The following NRXN3 variants were observed in gnomAD, a reference collection of about 807,000 sequenced individuals.
NRXN3 encodes the protein neurexin 3.
A neutral mutation model predicts 137.6 loss-of-function variants in NRXN3; 32 were observed. The observed-to-expected ratio is 0.23, with a 90% CI of 0.18 to 0.31. NRXN3 has a LOEUF of 0.31. Ranked by LOEUF, NRXN3 falls within the 10% of genes least tolerant of loss-of-function variation. The pLI is 1.00. For missense variants in NRXN3, 1,574 were observed against 2,062.5 expected (o/e 0.76, Z 4.59); for synonymous variants, 798 against 784.5 (o/e 1.02, Z -0.29).
At chr14:78,538,438 G>GC (rs1189864206) in intron 4 of NRXN3, among the ~76,000 whole-genome samples, 3 of 152,188 alleles carry the variant, frequency 2.0e-5, no homozygotes, top group South Asian at 2.1e-4. Flanking sequence ...GTATAGGAAT[G>GC]CTTGTGATTT....
intron 19 of NRXN3, among the ~76,000 whole-genome samples, chr14:79,778,349 G>GA (rs1226160447): frequency 1.3e-5 from 2 of 152,168 alleles, no homozygotes; most frequent in African/African-American, 4.8e-5. Context: ...CCAGGAGGCG[G>GA]AGGTTGCAGT....
intron 20 of NRXN3, among the ~76,000 whole-genome samples, chr14:79,810,456 G>A (rs760599032): frequency 1.8e-4 from 27 of 152,162 alleles, no homozygotes; most frequent in Non-Finnish European, 3.4e-4. Context: ...CATAATGGTT[G>A]GGAAGGAGAT....
rs536183466 is a variant in NRXN3, at chr14:78,569,469, G to C, written c.758-75651G>C. Reference sequence around the variant, plus strand: ...TTTAGTAGAGACGGGGTTTCACCATGTTAGCAAGGGTGGTCTCAATCTCCT... The same window carrying C: ...TTTAGTAGAGACGGGGTTTCACCATCTTAGCAAGGGTGGTCTCAATCTCCT... On this transcript the variant is annotated intron_variant, in intron 4 of 20. Transcript: ENST00000335750. Among the ~76,000 whole-genome samples the C allele has an allele frequency of 2.0e-4, 31 of 151,820 alleles. 1 individual carries two copies. In the South Asian group the frequency reaches 6.5e-3, roughly 32 times the overall value.
At chr14:78,424,949 C>T (rs2093603604) in intron 4 of NRXN3, among the ~76,000 whole-genome samples, 1 of 152,196 alleles carries the variant, frequency 6.6e-6, no homozygotes, top group Non-Finnish European at 1.5e-5. Context: ...CTCTGGACTC[C>T]TGTTGTGGAC....
intron 15 of NRXN3, among the ~76,000 whole-genome samples, chr14:79,194,571 G>C (rs2064881701): frequency 6.6e-6 from 1 of 152,234 alleles, no homozygotes; most frequent in African/African-American, 2.4e-5. Context: ...ATATCCTTCA[G>C]AGGATTCCCC....
chr14:78,525,166 T>C (rs2096358798), intron 4 of NRXN3, among the ~76,000 whole-genome samples: 1 of 152,234 alleles, frequency 6.6e-6, no homozygotes, highest in Non-Finnish European at 1.5e-5. Context: ...GGGAGGACCC[T>C]TTGCACAGGC....
intron 17 of NRXN3, among the ~76,000 whole-genome samples, chr14:79,680,988 C>T (rs1416691784): frequency 6.6e-6 from 1 of 152,166 alleles, no homozygotes; most frequent in Non-Finnish European, 1.5e-5. Flanking sequence ...ATCAGAGAAG[C>T]ATCAACACAT....
chr14:79,215,753 A>G (rs970455683), intron 15 of NRXN3, among the ~76,000 whole-genome samples: 1 of 152,290 alleles, frequency 6.6e-6, no homozygotes. Context: ...GGGGACATAG[A>G]CAAACCATAT....
intron 4 of NRXN3, among the ~76,000 whole-genome samples, chr14:78,309,962 G>T (rs2077778376): frequency 6.6e-6 from 1 of 152,006 alleles, no homozygotes; most frequent in Non-Finnish European, 1.5e-5. Context: ...CTGCTTCCTG[G>T]TAAAATACAC....
At chr14:78,754,828 G>A (rs564049292) in intron 8 of NRXN3, among the ~76,000 whole-genome samples, 5 of 146,254 alleles carry the variant, frequency 3.4e-5, no homozygotes, top group East Asian at 2.0e-4. Flanking sequence ...CACCATTTCA[G>A]TATACACTTT....
At chr14:79,431,039 C>T (rs997413431) in intron 15 of NRXN3, among the ~76,000 whole-genome samples, 1 of 152,160 alleles carries the variant, frequency 6.6e-6, no homozygotes. Context: ...TACTATACAT[C>T]GGGGCCTCTG....
intron 8 of NRXN3, among the ~76,000 whole-genome samples, chr14:78,797,252 C>A (rs1374138233): frequency 6.6e-6 from 1 of 152,060 alleles, no homozygotes; most frequent in East Asian, 1.9e-4. Flanking sequence ...TAGAAATAAA[C>A]CTAGAGGAAC....
intron 15 of NRXN3, among the ~76,000 whole-genome samples, chr14:79,324,120 GCTT>G (rs2090500713): frequency 6.6e-6 from 1 of 152,162 alleles, no homozygotes; most frequent in African/African-American, 2.4e-5. Flanking sequence ...TGCCTAATTT[GCTT>G]CTTCACTTTT....
In NRXN3 at chr14:78,555,062, A is replaced by G. The variant is rs559343271; in HGVS notation, c.758-90058A>G. On this transcript the variant is annotated intron_variant, in intron 4 of 20. Coordinates refer to ENST00000335750, the MANE Select transcript of NRXN3 (RefSeq NM_001330195.2). ...TTGAGTTGTCTTAGGCAAGTCACAT[A>G]CCATCCTCTGTGTCTCTATTTCTCC... Among the ~76,000 whole-genome samples the G allele has an allele frequency of 2.4e-4, 36 of 152,156 alleles. No homozygotes were observed. In the East Asian group the frequency reaches 6.6e-3, roughly 28 times the overall value.
chr14:78,911,873 G>T (rs1222743797), intron 10 of NRXN3, among the ~76,000 whole-genome samples: 2 of 151,870 alleles, frequency 1.3e-5, no homozygotes, highest in African/African-American at 2.4e-5. Flanking sequence ...ACCACACACA[G>T]TTCCCCTGGT....
chr14:79,521,230 T>C (rs1047632594), intron 16 of NRXN3, among the ~76,000 whole-genome samples: 10 of 152,188 alleles, frequency 6.6e-5, no homozygotes, highest in Non-Finnish European at 1.3e-4. Flanking sequence ...TTTCTCTTTT[T>C]CTTATTTTGT....
At chr14:78,484,670 A>C (rs1346407044) in intron 4 of NRXN3, among the ~76,000 whole-genome samples, 1 of 152,170 alleles carries the variant, frequency 6.6e-6, no homozygotes, top group Non-Finnish European at 1.5e-5. Context: ...GTTTAGGGTC[A>C]TAATGGGAGG....
intron 15 of NRXN3, among the ~76,000 whole-genome samples, chr14:79,330,166 G>A (rs2091474578): frequency 6.6e-6 from 1 of 152,062 alleles, no homozygotes; most frequent in Non-Finnish European, 1.5e-5. Context: ...ATATGGAAGT[G>A]TCCTATCACA....
chr14:78,490,022 C>A (rs750049753), intron 4 of NRXN3, among the ~76,000 whole-genome samples: 8 of 151,754 alleles, frequency 5.3e-5, no homozygotes, highest in Non-Finnish European at 7.4e-5. Flanking sequence ...TCAAGCGATT[C>A]TCCTGCCTCA....
Sources: gnomAD v4.1 joint callset for allele counts (sites outside exome capture counted in the v4.1 genomes callset) on GRCh38, gnomAD v4.1.1 for gene constraint, MANE v1.5 for transcripts, NCBI Gene and HGNC (gene_info 2026-07-23, HGNC 2026-07-21) for gene names.